The following RGS7 variants were observed in gnomAD, a reference collection of about 807,000 sequenced individuals.
RGS7 encodes the protein regulator of G-protein signaling 7.
A neutral mutation model predicts 81.1 loss-of-function variants in RGS7; 27 were observed. The observed-to-expected ratio is 0.33, with a 90% CI of 0.25 to 0.46. The LOEUF (loss-of-function observed/expected upper bound fraction) is 0.46. Among genes scored for constraint, RGS7 ranks in the 20% least tolerant of loss-of-function variants. The probability of loss-of-function intolerance (pLI) is 1.00; values close to 1 mark genes in which losing one functional copy is unlikely to be tolerated. For missense variants in RGS7, 396 were observed against 607.4 expected, an observed-to-expected ratio of 0.65 and a Z score of 3.66; for synonymous variants, 208 against 207.7, an observed-to-expected ratio of 1.00 and a Z score of -0.01.
chr1:241,126,298 C>T (rs1004738185), intron 2 of RGS7, among the ~76,000 whole-genome samples: 4 of 151,964 alleles, frequency 2.6e-5, no homozygotes, highest in Admixed American at 1.3e-4. Flanking sequence ...TACAGGCATG[C>T]GCAACCACAC....
In RGS7 at chr1:241,206,704, C is replaced by T. The variant is rs566511829; in HGVS notation, c.79-107942G>A. ...TCCTCAGTTCCTCAAACACACCAAT[C>T]CCATTTCCTCCTTACGGCATTGGGA... On this transcript the variant is annotated intron_variant, in intron 2 of 18. Coordinates refer to ENST00000440928, the MANE Select transcript of RGS7 (RefSeq NM_001364886.1). Among the ~76,000 whole-genome samples the T allele has an allele frequency of 1.2e-4, 19 of 152,222 alleles. No homozygotes were observed. The South Asian group carries it at 3.9e-3, about 32-fold the overall frequency.
chr1:241,279,290 A>C (rs1268067911), intron 2 of RGS7, among the ~76,000 whole-genome samples: 2 of 152,332 alleles, frequency 1.3e-5, no homozygotes, highest in East Asian at 3.9e-4. Flanking sequence ...GGCAGAGCTC[A>C]GTTACAGTGA....
intron 6 of RGS7, among the ~76,000 whole-genome samples, chr1:240,909,621 G>A (rs1671393741): frequency 6.6e-6 from 1 of 152,196 alleles, no homozygotes; most frequent in South Asian, 2.1e-4. Flanking sequence ...AGAGCACAAG[G>A]AGATACAGTT....
chr1:241,218,259 CAGTG>C (rs1052892425), intron 2 of RGS7, among the ~76,000 whole-genome samples: 1 of 152,140 alleles, frequency 6.6e-6, no homozygotes, highest in Non-Finnish European at 1.5e-5. Context: ...AATTTATTCT[CAGTG>C]AGTTTCACCA....
chr1:241,013,206 G>A (rs981528867), intron 3 of RGS7, among the ~76,000 whole-genome samples: 1 of 151,894 alleles, frequency 6.6e-6, no homozygotes, highest in Non-Finnish European at 1.5e-5. Flanking sequence ...AGGATTACAG[G>A]TGTGCACCAC....
intron 14 of RGS7, among the ~76,000 whole-genome samples, 182 bp from the exon 15 acceptor site, chr1:240,806,508 T>C (rs1039542020): frequency 2.7e-5 from 4 of 150,538 alleles, no homozygotes; most frequent in Admixed American, 2.0e-4. Context: ...AAGATTATTA[T>C]GAAAAATAAT....
intron 2 of RGS7, among the ~76,000 whole-genome samples, chr1:241,135,012 G>C (rs1370122521): frequency 6.6e-6 from 1 of 152,058 alleles, no homozygotes; most frequent in Non-Finnish European, 1.5e-5. Flanking sequence ...GTACTACGTA[G>C]CAGTCAGGTC....
intron 2 of RGS7, among the ~76,000 whole-genome samples, chr1:241,186,979 T>C (rs758927771): frequency 1.6e-4 from 25 of 152,180 alleles, no homozygotes; most frequent in Non-Finnish European, 2.9e-4. Context: ...ATTATTCTCA[T>C]AGAAACTTAA....
intron 14 of RGS7, 100 bp downstream of exon 14, chr1:240,811,818 G>A: frequency 1.9e-6 from 2 of 1,071,876 alleles, no homozygotes; most frequent in Non-Finnish European, 2.9e-6. Flanking sequence ...ACATCATTAT[G>A]ATGTTAGTGG....
chr1:241,299,761 C>T (rs2079622298), intron 2 of RGS7, among the ~76,000 whole-genome samples: 1 of 151,088 alleles, frequency 6.6e-6, no homozygotes, highest in African/African-American at 2.4e-5. Context: ...TCATTTTAGT[C>T]CTTAACTGTC....
At chr1:241,139,335 C>G (rs1163081904) in intron 2 of RGS7, among the ~76,000 whole-genome samples, 1 of 151,066 alleles carries the variant, frequency 6.6e-6, no homozygotes, top group East Asian at 2.0e-4. Context: ...TCCTCTATTT[C>G]TTTCCCAGAT....
At chr1:240,881,931 T>G (rs1162436643) in intron 6 of RGS7, among the ~76,000 whole-genome samples, 4 of 151,836 alleles carry the variant, frequency 2.6e-5, no homozygotes, top group Non-Finnish European at 2.9e-5. Flanking sequence ...TTTTTTTTTT[T>G]TGAGAGAGAG....
At chr1:241,192,446 G>A (rs1448601454) in intron 2 of RGS7, among the ~76,000 whole-genome samples, 2 of 152,020 alleles carry the variant, frequency 1.3e-5, no homozygotes, top group Non-Finnish European at 2.9e-5. Context: ...ACTTTTCAGA[G>A]TCCTTTATGT....
intron 2 of RGS7, among the ~76,000 whole-genome samples, chr1:241,247,675 G>A (rs1273829965): frequency 2.0e-5 from 3 of 151,808 alleles, no homozygotes; most frequent in Non-Finnish European, 2.9e-5. Flanking sequence ...ATAACCTGGG[G>A]ACTAACCAAG....
chr1:240,813,753 T>C (rs957137688), intron 12 of RGS7, 25 bp from the exon 13 acceptor site: 34 of 1,477,336 alleles, frequency 2.3e-5, no homozygotes, highest in Non-Finnish European at 3.1e-5. Flanking sequence ...CATTTCCAGT[T>C]TCTTTAGTTT....
chr1:240,813,215 A>T (rs1304890565), intron 13 of RGS7, among the ~76,000 whole-genome samples: 1 of 152,190 alleles, frequency 6.6e-6, no homozygotes, highest in Non-Finnish European at 1.5e-5. Context: ...TCTGTCTTAA[A>T]ATTGAATTTA....
chr1:241,269,303 G>A (rs952815968), intron 2 of RGS7, among the ~76,000 whole-genome samples: 4 of 152,238 alleles, frequency 2.6e-5, no homozygotes, highest in African/African-American at 7.2e-5. Context: ...TTGTGGAAAC[G>A]TGGGTAGACG....
At chr1:240,909,408 C>T (rs968796330) in intron 6 of RGS7, among the ~76,000 whole-genome samples, 1 of 152,174 alleles carries the variant, frequency 6.6e-6, no homozygotes, top group African/African-American at 2.4e-5. Context: ...ATTCCCACCC[C>T]TAGTCTACAA....
chr1:240,852,695 A>C (rs2147937358), intron 9 of RGS7, among the ~76,000 whole-genome samples: 1 of 152,302 alleles, frequency 6.6e-6, no homozygotes, highest in African/African-American at 2.4e-5. Context: ...GTGGAAAAGA[A>C]CTTCAGGGAC....
Sources: gnomAD v4.1 joint callset for allele counts (sites outside exome capture counted in the v4.1 genomes callset) on GRCh38, gnomAD v4.1.1 for gene constraint, MANE v1.5 for transcripts, NCBI Gene and HGNC (gene_info 2026-07-23, HGNC 2026-07-21) for gene names.